Variants in RNGTT observed in about 807,000 individuals in gnomAD.
RNGTT encodes RNA guanylyltransferase and 5'-phosphatase.
Under a neutral mutation model 79.3 loss-of-function variants are expected in RNGTT, and 33 were observed. The observed-to-expected ratio is 0.42, with a 90% confidence interval of 0.32 to 0.56. The LOEUF (loss-of-function observed/expected upper bound fraction) is 0.56, where lower values mean the gene tolerates loss of function less well. RNGTT is among the 20% of genes least tolerant of loss of function. The pLI is 0.17. For missense variants in RNGTT, 497 were observed against 739.1 expected (o/e 0.67, Z 3.80); for synonymous variants, 222 against 235.9 (o/e 0.94, Z 0.54).
intron 8 of RNGTT, among the ~76,000 whole-genome samples, chr6:88,868,768 G>A (rs1207736633): frequency 6.6e-6 from 1 of 151,872 alleles, no homozygotes; most frequent in Admixed American, 6.6e-5. Flanking sequence ...ATTGTATTTG[G>A]CAGCTCTGAG....
At chr6:88,734,767 C>G (rs1313590386) in intron 13 of RNGTT, among the ~76,000 whole-genome samples, 1 of 152,092 alleles carries the variant, frequency 6.6e-6, no homozygotes, top group Non-Finnish European at 1.5e-5. Flanking sequence ...CTTTGAGTAC[C>G]TATACAACCA....
intron 6 of RNGTT, among the ~76,000 whole-genome samples, chr6:88,896,146 T>C (rs1350922543): frequency 6.6e-6 from 1 of 152,202 alleles, no homozygotes; most frequent in Non-Finnish European, 1.5e-5. Context: ...GGCCCTCTTG[T>C]GTTTACACTA....
intron 13 of RNGTT, among the ~76,000 whole-genome samples, chr6:88,735,567 T>TAAA (rs71554796): frequency 4.0e-4 from 48 of 120,796 alleles, no homozygotes; most frequent in South Asian, 1.6e-3. Context: ...ACACGAGTGT[T>TAAA]AAAAAAAAAA....
chr6:88,666,626 T>C (rs1774420132), intron 14 of RNGTT, among the ~76,000 whole-genome samples: 1 of 152,166 alleles, frequency 6.6e-6, no homozygotes, highest in African/African-American at 2.4e-5. Context: ...CATAACTGTG[T>C]AGAGGTGTTG....
intron 11 of RNGTT, 86 bp downstream of exon 11, chr6:88,844,271 G>T: frequency 7.7e-7 from 1 of 1,295,250 alleles, no homozygotes. Context: ...CAAGACAACT[G>T]GGCAGCAAAA....
At chr6:88,936,889 T>C (rs1179668095) in intron 2 of RNGTT, among the ~76,000 whole-genome samples, 1 of 152,222 alleles carries the variant, frequency 6.6e-6, no homozygotes, top group Non-Finnish European at 1.5e-5. Flanking sequence ...GGTCCTAGAC[T>C]TTTTGTTGGG....
intron 4 of RNGTT, among the ~76,000 whole-genome samples, chr6:88,923,895 G>A (rs1784238345): frequency 6.6e-6 from 1 of 152,196 alleles, no homozygotes; most frequent in Non-Finnish European, 1.5e-5. Context: ...CTGGCAACAA[G>A]GCATTTCCAA....
chr6:88,866,105 T>A (rs1393658173), intron 8 of RNGTT, among the ~76,000 whole-genome samples: 1 of 152,176 alleles, frequency 6.6e-6, no homozygotes, highest in African/African-American at 2.4e-5. Flanking sequence ...AGCATATCTT[T>A]CACTTTTTGA....
rs150854940 is a variant in RNGTT at position 88,799,226 on chromosome 6, G to A, written c.1338+2338C>T. ...TTGCAAACACATCAATTTTCTCCACGTTAATCTAAATTCAAAGATGTTCCA... is the reference window on the plus strand; with the variant it reads ...TTGCAAACACATCAATTTTCTCCACATTAATCTAAATTCAAAGATGTTCCA... On this transcript the variant is annotated intron_variant, in intron 12 of 15. Transcript: ENST00000369485. Among the ~76,000 whole-genome samples, 266 of 151,466 alleles carry A rather than the reference G, an allele frequency of 1.8e-3. 2 individuals are homozygous for A. Among genetic ancestry groups the A allele is most frequent in the African/African-American group, 6.2e-3 (257 of 41,372 alleles).
At chr6:88,856,487 A>G (rs946813704) in intron 8 of RNGTT, among the ~76,000 whole-genome samples, 1 of 152,190 alleles carries the variant, frequency 6.6e-6, no homozygotes, top group African/African-American at 2.4e-5. Flanking sequence ...ATCAATCAAA[A>G]GAAAATATTT....
chr6:88,956,503 A>T lies in RNGTT; in HGVS notation c.64+6843T>A, dbSNP rs187529229. On this transcript the variant is annotated intron_variant, in intron 1 of 15. Coordinates refer to ENST00000369485, the MANE Select transcript of RNGTT (RefSeq NM_003800.5). Reference sequence around the variant, plus strand: ...CTACCAATCTTACTGAAACTATTCCAAAAGACAGAGAAAGGGAATCCTCCC... The same window carrying T: ...CTACCAATCTTACTGAAACTATTCCTAAAGACAGAGAAAGGGAATCCTCCC... 2.6e-5 allele frequency among the ~76,000 whole-genome samples: 4 copies of T among 152,340 alleles called. No homozygotes were observed. In the East Asian group the frequency reaches 7.7e-4, roughly 29 times the overall value.
intron 13 of RNGTT, among the ~76,000 whole-genome samples, chr6:88,696,601 T>TACACACACACACACACACACACACACAC (rs67058652): frequency 6.8e-6 from 1 of 147,490 alleles, no homozygotes; most frequent in Non-Finnish European, 1.5e-5. Flanking sequence ...AATCCTGAAG[T>TACACACACACACACACACACACACACAC]ACACACACAC....
chr6:88,900,481 C>G (rs900006725), intron 6 of RNGTT, among the ~76,000 whole-genome samples: 9 of 152,068 alleles, frequency 5.9e-5, no homozygotes, highest in African/African-American at 1.9e-4. Context: ...TGCCTGTAAT[C>G]CCAGCACTTT....
intron 2 of RNGTT, 121 bp downstream of exon 2, chr6:88,940,950 T>G: frequency 1.8e-6 from 1 of 559,456 alleles, no homozygotes; most frequent in Non-Finnish European, 3.1e-6. Flanking sequence ...GTACAATTAC[T>G]GCAACTTCCC....
chr6:88,721,141 T>C (rs1207149377), intron 13 of RNGTT, among the ~76,000 whole-genome samples: 1 of 152,104 alleles, frequency 6.6e-6, no homozygotes, highest in East Asian at 1.9e-4. Flanking sequence ...CTAATTTTTA[T>C]ATTTATCCTA....
intron 8 of RNGTT, among the ~76,000 whole-genome samples, chr6:88,876,371 A>C (rs1490473170): frequency 2.6e-5 from 4 of 152,152 alleles, no homozygotes; most frequent in Middle Eastern, 3.2e-3. Flanking sequence ...TCAACAACAA[A>C]AAAAAGACAA....
intron 11 of RNGTT, among the ~76,000 whole-genome samples, chr6:88,816,534 G>A (rs1173201523): frequency 6.6e-6 from 1 of 152,084 alleles, no homozygotes; most frequent in Non-Finnish European, 1.5e-5. Flanking sequence ...AGCACATAAT[G>A]GGGTATTTGA....
At chr6:88,836,042 C>CATATATATATATATATATAAGATTTACAT (rs138214447) in intron 11 of RNGTT, among the ~76,000 whole-genome samples, 2 of 135,914 alleles carry the variant, frequency 1.5e-5, no homozygotes, top group African/African-American at 2.7e-5. Context: ...ATAAGATTTA[C>CATATATATATATATATATAAGATTTACAT]ATATATATAT....
intron 1 of RNGTT, among the ~76,000 whole-genome samples, chr6:88,954,093 C>T (rs533349241): frequency 1.3e-5 from 2 of 152,242 alleles, no homozygotes; most frequent in African/African-American, 4.8e-5. Flanking sequence ...GGTATTTAGG[C>T]AACAACTAGC....
Sources: allele counts gnomAD v4.1 joint callset (sites outside exome capture counted in the v4.1 genomes callset), GRCh38; gene constraint gnomAD v4.1.1; transcripts MANE v1.5; gene names NCBI Gene and HGNC (gene_info 2026-07-23, HGNC 2026-07-21).